Variants in RPS6KC1 observed in about 807,000 individuals in gnomAD.
The protein encoded by RPS6KC1 is ribosomal protein S6 kinase C1, also known as inactive ribosomal protein S6 kinase delta-1.
A neutral mutation model predicts 103.8 loss-of-function variants in RPS6KC1; 54 were observed. That is an observed-to-expected ratio of 0.52 (90% confidence interval 0.42 to 0.65). The LOEUF (loss-of-function observed/expected upper bound fraction) is 0.65. RPS6KC1 is among the 30% of genes least tolerant of loss of function. The pLI is 0.00. For synonymous variants in RPS6KC1, 439 were observed against 438.7 expected (o/e 1.00, Z -0.01); for missense variants, 1,151 against 1,253.8 (o/e 0.92, Z 1.24).
chr1:213,508,343 A>G, the RPS6KC1 span, among the ~76,000 whole-genome samples: 1 of 152,240 alleles, frequency 6.6e-6, no homozygotes, highest in African/African-American at 2.4e-5. Flanking sequence ...TGCAAAGAAA[A>G]TGATTTTCTG....
the RPS6KC1 span, among the ~76,000 whole-genome samples, chr1:213,349,688 A>C: frequency 6.6e-6 from 1 of 152,194 alleles, no homozygotes; most frequent in East Asian, 1.9e-4. Context: ...TCAAACACAA[A>C]AGCACAGACC....
chr1:213,380,584 G>A, the RPS6KC1 span, among the ~76,000 whole-genome samples: 1 of 152,018 alleles, frequency 6.6e-6, no homozygotes, highest in Admixed American at 6.5e-5. Context: ...AACTATGTGC[G>A]GTGATAGGTG....
chr1:213,295,957 C>G, the RPS6KC1 span, among the ~76,000 whole-genome samples: 2 of 152,144 alleles, frequency 1.3e-5, no homozygotes, highest in Admixed American at 6.6e-5. Context: ...TTTTATTAGC[C>G]TTTCTTAAGG....
At position 213,273,063 on chromosome 1, in the gene RPS6KC1, A is replaced by G. The variant is rs895099503; in HGVS notation, c.*429A>G. On this transcript the variant is annotated 3_prime_UTR_variant, in exon 15 of 15. Coordinates refer to ENST00000366960, the MANE Select transcript of RPS6KC1 (RefSeq NM_012424.6). ...TGATTAAATTAATATTTGCTTAATAATACACTAAAAGTATATGAACAATGT... is the reference window on the plus strand; with the variant it reads ...TGATTAAATTAATATTTGCTTAATAGTACACTAAAAGTATATGAACAATGT... 2.5e-5 allele frequency: 4 copies of G among 159,194 alleles called. No individual in the cohort carries two copies. The highest frequency in any genetic ancestry group is 7.2e-5 in the African/African-American group (3 of 41,602). The allele number at this position is 159,194 out of a possible 1,614,324, so 9.9% of individuals were successfully genotyped here. A position where few individuals can be genotyped will look rare whatever the true frequency, so the allele number is the denominator to read the frequency against.
chr1:213,628,388 AT>A, the RPS6KC1 span, among the ~76,000 whole-genome samples: 2 of 152,034 alleles, frequency 1.3e-5, no homozygotes, highest in Middle Eastern at 3.4e-3. Context: ...GGATTTATGG[AT>A]TTTTTGAAGG....
At chr1:213,384,430 C>T in the RPS6KC1 span, among the ~76,000 whole-genome samples, 3 of 151,854 alleles carry the variant, frequency 2.0e-5, no homozygotes, top group African/African-American at 7.3e-5. Flanking sequence ...TGAGGAGCCT[C>T]CAGGTCTGTG....
the RPS6KC1 span, among the ~76,000 whole-genome samples, chr1:213,442,242 A>G: frequency 6.6e-6 from 1 of 152,164 alleles, no homozygotes. Context: ...CTCATTATCT[A>G]TACCCTCTGC....
chr1:213,212,191 C>T (rs2093526029), intron 8 of RPS6KC1, among the ~76,000 whole-genome samples: 1 of 152,136 alleles, frequency 6.6e-6, no homozygotes, highest in Non-Finnish European at 1.5e-5. Context: ...TAATATCATA[C>T]AGAGTATTTT....
At chr1:213,641,829 A>AAAATAAATAAATAAATAAATAAATAAAT in the RPS6KC1 span, among the ~76,000 whole-genome samples, 5 of 116,404 alleles carry the variant, frequency 4.3e-5, no homozygotes, top group African/African-American at 1.3e-4. Flanking sequence ...ACCCCCTGCA[A>AAAATAAATAAATAAATAAATAAATAAAT]AAATAAATAA....
At chr1:213,567,700 T>G in the RPS6KC1 span, among the ~76,000 whole-genome samples, 1 of 152,216 alleles carries the variant, frequency 6.6e-6, no homozygotes, top group Non-Finnish European at 1.5e-5. Flanking sequence ...AACCCTAAAA[T>G]ATATGAATTA....
the RPS6KC1 span, among the ~76,000 whole-genome samples, chr1:213,560,197 A>G: frequency 1.3e-5 from 2 of 152,228 alleles, no homozygotes; most frequent in Admixed American, 6.5e-5. Flanking sequence ...ACGCTGCTGT[A>G]AAGGAATTTG....
chr1:213,858,688 A>T, the RPS6KC1 span, among the ~76,000 whole-genome samples: 1 of 152,212 alleles, frequency 6.6e-6, no homozygotes, highest in Admixed American at 6.5e-5. Context: ...CATAATGCAG[A>T]CTATGGCATT....
At chr1:213,464,483 G>T in the RPS6KC1 span, among the ~76,000 whole-genome samples, 6 of 151,870 alleles carry the variant, frequency 4.0e-5, no homozygotes, top group Non-Finnish European at 5.9e-5. Flanking sequence ...TCCTTTTCTT[G>T]ATCAGACTCA....
chr1:213,809,657 A>T, the RPS6KC1 span, among the ~76,000 whole-genome samples: 1 of 152,198 alleles, frequency 6.6e-6, no homozygotes, highest in Non-Finnish European at 1.5e-5. Flanking sequence ...TATCTTCCAT[A>T]TTAAGAGGAT....
intron 9 of RPS6KC1, 102 bp downstream of exon 9, chr1:213,230,646 C>A (rs1171566713): frequency 8.6e-6 from 6 of 697,380 alleles, no homozygotes; most frequent in South Asian, 2.5e-5. Context: ...ACTATCCTGG[C>A]CAACATGGTG....
intron 8 of RPS6KC1, among the ~76,000 whole-genome samples, chr1:213,196,893 A>G (rs1374565211): frequency 6.6e-6 from 1 of 151,924 alleles, no homozygotes; most frequent in Non-Finnish European, 1.5e-5. Flanking sequence ...CTGGGGTGCA[A>G]TGGCGCGATC....
chr1:213,146,450 T>C (rs1433606350), intron 6 of RPS6KC1, among the ~76,000 whole-genome samples: 1 of 143,202 alleles, frequency 7.0e-6, no homozygotes, highest in Non-Finnish European at 1.5e-5. Context: ...TGAGACAGAG[T>C]CTTGCTTTGT....
intron 9 of RPS6KC1, among the ~76,000 whole-genome samples, chr1:213,231,762 C>CT (rs1341934630): frequency 6.6e-6 from 1 of 152,148 alleles, no homozygotes; most frequent in Non-Finnish European, 1.5e-5. Context: ...TTGCATTGGT[C>CT]TTACAATGTC....
the RPS6KC1 span, chr1:213,837,432 CA>C: frequency 6.6e-6 from 1 of 152,156 alleles, no homozygotes; most frequent in African/African-American, 2.4e-5. Flanking sequence ...AGTAAATATA[CA>C]AAGGGAAACA....
Sources: gnomAD v4.1 joint callset for allele counts (sites outside exome capture counted in the v4.1 genomes callset) on GRCh38, gnomAD v4.1.1 for gene constraint, MANE v1.5 for transcripts, NCBI Gene and HGNC (gene_info 2026-07-23, HGNC 2026-07-21) for gene names.